Variants in CFDP1 observed in about 807,000 individuals in gnomAD.
CFDP1 encodes chromatin remodeling protein CFDP1.
CFDP1 carries 31 observed loss-of-function variants against 40.1 expected under a neutral mutation model. That is an observed-to-expected ratio of 0.77 (90% CI 0.58 to 1.04). The LOEUF (loss-of-function observed/expected upper bound fraction) is 1.04. Among genes scored for constraint, CFDP1 ranks in the 50% least tolerant of loss-of-function variants. CFDP1 has a pLI of 0.00. For missense variants in CFDP1, 423 were observed against 343.4 expected (o/e 1.23, Z -1.83); for synonymous variants, 167 against 120.0 (o/e 1.39, Z -2.56).
At chr16:75,310,739 A>G (rs1429605855) in intron 5 of CFDP1, among the ~76,000 whole-genome samples, 1 of 152,194 alleles carries the variant, frequency 6.6e-6, no homozygotes, top group East Asian at 1.9e-4. Context: ...TGTTTAAAAG[A>G]GGTACTGGAA....
intron 5 of CFDP1, among the ~76,000 whole-genome samples, chr16:75,338,218 C>T (rs985177764): frequency 3.3e-5 from 5 of 152,198 alleles, no homozygotes; most frequent in African/African-American, 1.2e-4. Flanking sequence ...TCACCTCTCA[C>T]TCTTGGGGAA....
Position 75,396,465 on chromosome 16 carries a change from G to A in CFDP1, c.531-1256C>T, listed in dbSNP as rs967275681. ...GAGGCAGGAGAATTGCCTGAACCCAGGAGGTGGAGGTTGCAGTGAGCTCAG... is the reference window on the plus strand; with the variant it reads ...GAGGCAGGAGAATTGCCTGAACCCAAGAGGTGGAGGTTGCAGTGAGCTCAG... On this transcript the variant is annotated intron_variant, in intron 4 of 6. Transcript: ENST00000283882. Among the ~76,000 whole-genome samples the A allele has an allele frequency of 6.8e-5, 7 of 103,616 alleles. 2 individuals are homozygous for A. The highest frequency in any genetic ancestry group is 2.0e-4 in the African/African-American group (7 of 34,762). The allele number at this position is 103,616 out of a possible 152,430, so 68.0% of individuals were successfully genotyped here. A position where few individuals can be genotyped will look rare whatever the true frequency, so the allele number is the denominator to read the frequency against.
intron 5 of CFDP1, among the ~76,000 whole-genome samples, chr16:75,357,220 A>G (rs180953233): frequency 0.011 from 1,678 of 151,798 alleles, 20 homozygotes; most frequent in Non-Finnish European, 0.014. Flanking sequence ...GCCTGGAAAC[A>G]GCTTCTTTCT....
chr16:75,370,187 G>C (rs1177628817), intron 5 of CFDP1, among the ~76,000 whole-genome samples: 1 of 151,758 alleles, frequency 6.6e-6, no homozygotes, highest in Non-Finnish European at 1.5e-5. Flanking sequence ...CTGCCTCCCA[G>C]GTTCAAGTGA....
At chr16:75,363,395 C>CTT (rs574638173) in intron 5 of CFDP1, among the ~76,000 whole-genome samples, 3 of 143,702 alleles carry the variant, frequency 2.1e-5, no homozygotes, top group Admixed American at 7.0e-5. Flanking sequence ...AGCACTTTAC[C>CTT]TTTTTTTTTT....
At chr16:75,352,007 CAAAAAAAAAAAAAA>C (rs3975153) in intron 5 of CFDP1, among the ~76,000 whole-genome samples, 1 of 86,788 alleles carries the variant, frequency 1.2e-5, no homozygotes, top group African/African-American at 5.6e-5. Context: ...GACTCTGTCT[CAAAAAAAAAAAAAA>C]AAAAAAAAAA....
chr16:75,306,260 C>G (rs549302333), intron 5 of CFDP1: 1 of 152,354 alleles, frequency 6.6e-6, no homozygotes, highest in South Asian at 2.1e-4. Context: ...CTAACTCTCA[C>G]TAAGGCCTGT....
chr16:75,311,338 T>C (rs1167318897), intron 5 of CFDP1, among the ~76,000 whole-genome samples: 1 of 152,206 alleles, frequency 6.6e-6, no homozygotes, highest in Non-Finnish European at 1.5e-5. Flanking sequence ...GACAGGGATC[T>C]TGCTATTTTG....
At chr16:75,425,352 A>G (rs1597407487) in intron 1 of CFDP1, among the ~76,000 whole-genome samples, 2 of 137,894 alleles carry the variant, frequency 1.5e-5, no homozygotes, top group South Asian at 4.6e-4. Flanking sequence ...GCGCCACTGC[A>G]CTCCAGCCTG....
At chr16:75,403,637 G>T (rs2079074013) in intron 4 of CFDP1, among the ~76,000 whole-genome samples, 1 of 152,018 alleles carries the variant, frequency 6.6e-6, no homozygotes, top group African/African-American at 2.4e-5. Flanking sequence ...AATAATTCAA[G>T]CCAAAAAAGA....
chr16:75,362,551 T>C (rs1368180413), intron 5 of CFDP1, among the ~76,000 whole-genome samples: 1 of 152,228 alleles, frequency 6.6e-6, no homozygotes, highest in African/African-American at 2.4e-5. Flanking sequence ...ATGCTCACCA[T>C]GGCTCAAGAA....
chr16:75,408,573 T>G (rs2079125758), intron 4 of CFDP1, among the ~76,000 whole-genome samples: 1 of 151,928 alleles, frequency 6.6e-6, no homozygotes, highest in African/African-American at 2.4e-5. Context: ...GGTCAAGATT[T>G]CAAGACCAGC....
chr16:75,431,633 T>TGTC (rs2079419369), intron 1 of CFDP1, among the ~76,000 whole-genome samples: 1 of 151,828 alleles, frequency 6.6e-6, no homozygotes, highest in South Asian at 2.1e-4. Flanking sequence ...AGCGAGACAC[T>TGTC]GTCTCGAAAG....
At position 75,386,338 on chromosome 16, in the gene CFDP1, T is replaced by C. The variant is rs147310841; in HGVS notation, c.650+8752A>G. On this transcript the variant is annotated intron_variant, in intron 5 of 6. Coordinates refer to ENST00000283882, the MANE Select transcript of CFDP1 (RefSeq NM_006324.3). Reference sequence around the variant, plus strand: ...CAACCTTGAAAATCACTATAGATAATTCCTAGGTTCAGAGTATTTGTTGTA... The same window carrying C: ...CAACCTTGAAAATCACTATAGATAACTCCTAGGTTCAGAGTATTTGTTGTA... Among the ~76,000 whole-genome samples the C allele has an allele frequency of 3.6e-3, 549 of 152,314 alleles. 3 individuals are homozygous for C. The highest frequency in any genetic ancestry group is 0.013 in the African/African-American group (528 of 41,570).
intron 4 of CFDP1, among the ~76,000 whole-genome samples, chr16:75,409,143 G>C (rs529618158): frequency 6.6e-6 from 1 of 152,204 alleles, no homozygotes; most frequent in South Asian, 2.1e-4. Flanking sequence ...ACAGGCATGA[G>C]CCACCGTGCC....
intron 5 of CFDP1, among the ~76,000 whole-genome samples, chr16:75,347,369 A>AAGAAAC: frequency 6.7e-6 from 1 of 149,182 alleles, no homozygotes; most frequent in Non-Finnish European, 1.5e-5. Flanking sequence ...AAAAAAGAAA[A>AAGAAAC]AGAAAAAGAA....
chr16:75,402,079 A>G (rs2079060730), intron 4 of CFDP1, among the ~76,000 whole-genome samples: 1 of 152,222 alleles, frequency 6.6e-6, no homozygotes. Flanking sequence ...AGTAATTGAC[A>G]CCAAGTAATA....
intron 6 of CFDP1, 23 bp from the exon 7 acceptor site, chr16:75,294,065 G>C: frequency 1.3e-6 from 2 of 1,582,470 alleles, no homozygotes; most frequent in Non-Finnish European, 1.7e-6. Flanking sequence ...AACAGTGTTT[G>C]TCAGTAGAAT....
intron 4 of CFDP1, chr16:75,409,405 G>A (rs1351386003): frequency 6.6e-6 from 1 of 152,242 alleles, no homozygotes; most frequent in African/African-American, 2.4e-5. Flanking sequence ...ACACAGTGCT[G>A]TGGTGCTGCA....
Sources: gnomAD v4.1 joint callset for allele counts (sites outside exome capture counted in the v4.1 genomes callset) on GRCh38, gnomAD v4.1.1 for gene constraint, MANE v1.5 for transcripts, NCBI Gene and HGNC (gene_info 2026-07-23, HGNC 2026-07-21) for gene names.